The following MEIOB variants were observed in gnomAD, a reference collection of about 807,000 sequenced individuals.
The protein encoded by MEIOB is meiosis-specific with OB domain-containing protein.
MEIOB carries 50 observed loss-of-function variants against 53.1 expected under a neutral mutation model. The observed-to-expected ratio is 0.94, with a 90% CI of 0.75 to 1.19. The LOEUF is 1.19. Ranked by LOEUF, MEIOB falls within the 50% of genes most tolerant of loss-of-function variation. The pLI is 0.00. For synonymous variants in MEIOB, 192 were observed against 182.5 expected, an observed-to-expected ratio of 1.05 and a Z score of -0.42; for missense variants, 551 against 550.8, an observed-to-expected ratio of 1.00 and a Z score of 0.00.
chr16:1,870,956 AC>A (rs1160454980), intron 1 of MEIOB, among the ~76,000 whole-genome samples: 1 of 151,728 alleles, frequency 6.6e-6, no homozygotes, highest in South Asian at 2.1e-4. Context: ...AACTACCTAC[AC>A]ACCAAGGGAT....
At chr16:1,865,293 A>G (rs1331975052) in intron 3 of MEIOB, among the ~76,000 whole-genome samples, 2 of 152,146 alleles carry the variant, frequency 1.3e-5, no homozygotes, top group Non-Finnish European at 2.9e-5. Context: ...TTAGCTGGGC[A>G]TGATGGCATG....
rs760422538 is a variant in MEIOB at position 1,853,030 on chromosome 16, G to GT, written c.778+8dup. The GT allele has an allele frequency of 5.7e-6, 9 of 1,579,444 alleles. No individual in the cohort carries two copies. In the South Asian group the frequency reaches 8.9e-5, roughly 16 times the overall value. On this transcript the variant is annotated intron_variant, in intron 9 of 13. Coordinates refer to ENST00000325962, the MANE Select transcript of MEIOB (RefSeq NM_001163560.3). ...CCAAAGGGATAAAAGGTTTCACAAAGTTTTTTACCTGGATTAGTTGTAATA... is the reference window on the plus strand; with the variant it reads ...CCAAAGGGATAAAAGGTTTCACAAAGTTTTTTTACCTGGATTAGTTGTAATA...
chr16:1,835,210 G>A (rs113743262), intron 13 of MEIOB, among the ~76,000 whole-genome samples: 2,849 of 151,674 alleles, frequency 0.019, 67 homozygotes, highest in Middle Eastern at 0.048. Flanking sequence ...AGCTGTGATC[G>A]CACCACGTGC....
intron 5 of MEIOB, among the ~76,000 whole-genome samples, chr16:1,858,877 A>C (rs763391425): frequency 4.6e-5 from 7 of 152,182 alleles, no homozygotes; most frequent in Non-Finnish European, 1.0e-4. Context: ...TCTTCCCTCT[A>C]CCAAGAATAT....
intron 9 of MEIOB, among the ~76,000 whole-genome samples, chr16:1,852,617 G>A (rs539782768): frequency 3.3e-5 from 5 of 150,750 alleles, no homozygotes; most frequent in Admixed American, 6.7e-5. Context: ...GTACAATGGC[G>A]CGATTTCAGC....
At chr16:1,853,419 C>T (rs1264355366) in intron 7 of MEIOB, 148 bp from the exon 8 acceptor site, 6 of 628,768 alleles carry the variant, frequency 9.5e-6, no homozygotes, top group South Asian at 1.9e-5. Context: ...TTAAGCATGC[C>T]AGCTTCCTCC....
chr16:1,860,096 A>G (rs1017135635), intron 5 of MEIOB, among the ~76,000 whole-genome samples: 2 of 152,248 alleles, frequency 1.3e-5, no homozygotes, highest in Non-Finnish European at 2.9e-5. Context: ...ATACCTTGAC[A>G]TGAAAAAAGA....
At chr16:1,852,651 G>C (rs1325972788) in intron 9 of MEIOB, among the ~76,000 whole-genome samples, 3 of 151,758 alleles carry the variant, frequency 2.0e-5, no homozygotes, top group African/African-American at 7.3e-5. Context: ...TGCCTCCTGG[G>C]TTCAAGTGAT....
chr16:1,841,952 T>C lies in MEIOB; in HGVS notation c.902A>G (p.Tyr301Cys), dbSNP rs765901615. Residue 301 changes from tyrosine (Y) to cysteine (C), a missense_variant, in exon 11 of 14, where the codon TAC (tyrosine) becomes TGC (cysteine). Physicochemically the swap from Tyr to Cys is radical, Grantham distance 194 (BLOSUM62 -2). Coordinates refer to ENST00000325962, the MANE Select transcript of MEIOB (RefSeq NM_001163560.3). ...TTTTCCCTTTAATTGTTCAACTGTG[T>C]AGACATCAACTATTGTACTTACTAA... is the stretch of plus-strand genomic sequence containing the variant. Reference protein sequence around the residue: ...SINLSTIVDVYTVEQLKGKAL... With the variant: ...SINLSTIVDVCTVEQLKGKAL... 7 of 1,599,596 alleles carry C rather than the reference T, an allele frequency of 4.4e-6. No individual in the cohort carries two copies. In the South Asian group the frequency reaches 8.0e-5, roughly 18 times the overall value.
chr16:1,838,792 A>G (rs1898817668), intron 12 of MEIOB, among the ~76,000 whole-genome samples: 1 of 152,124 alleles, frequency 6.6e-6, no homozygotes, highest in Non-Finnish European at 1.5e-5. Context: ...CCTGGGCTCA[A>G]GTGATTCTCG....
In MEIOB at chr16:1,849,098, A is replaced by G. The variant is rs1276305727; in HGVS notation, c.778+3941T>C. Among the ~76,000 whole-genome samples, 3 of 148,566 alleles carry G rather than the reference A, an allele frequency of 2.0e-5. No homozygotes were observed. In the South Asian group the frequency reaches 6.5e-4, roughly 32 times the overall value. ...CCAGCAGTTTGAGACCAGCCTGAGA[A>G]ACACTGCAAAACCCCGTCTCTACGA... On this transcript the variant is annotated intron_variant, in intron 9 of 13. Coordinates refer to ENST00000325962, the MANE Select transcript of MEIOB (RefSeq NM_001163560.3).
At position 1,845,007 on chromosome 16, in the gene MEIOB, C is replaced by G. The variant is rs191995022; in HGVS notation, c.779-44G>C. On this transcript the variant is annotated intron_variant, in intron 9 of 13. Coordinates refer to ENST00000325962, the MANE Select transcript of MEIOB (RefSeq NM_001163560.3). The stretch of plus-strand genomic sequence containing the variant: ...AATAAGTAAAAAGCAAACTGATTAT[C>G]ATTTAAATCACATTTAAATCATCCA... The G allele has an allele frequency of 4.1e-4, 343 of 845,670 alleles. No individual in the cohort carries two copies. In the African/African-American group the frequency reaches 5.1e-3, roughly 13 times the overall value. The allele number at this position is 845,670 out of a possible 1,614,324, so 52.4% of individuals were successfully genotyped here.
In MEIOB at chr16:1,837,776, G is replaced by A. The variant is rs1259071934; in HGVS notation, c.1305+8C>T. 5.7e-6 allele frequency: 8 copies of A among 1,392,514 alleles called. No homozygotes were observed. Among genetic ancestry groups the A allele is most frequent in the Non-Finnish European group, 7.9e-6 (8 of 1,013,878 alleles). 86.3% of individuals were successfully genotyped at this position (1,392,514 alleles called of 1,614,324 possible). On this transcript the variant is annotated splice_region_variant and intron_variant, in intron 13 of 13. Transcript: ENST00000325962. ...ATAGAATAATATGGGACTATAAAAT[G>A]CACTAACTTTTAAATAAATTTTGCT...
At position 1,844,865 on chromosome 16, in the gene MEIOB, T is replaced by G; in HGVS notation, c.877A>C (p.Asn293His). The G allele has an allele frequency of 6.6e-7, 1 of 1,509,896 alleles. No individual in the cohort carries two copies. Among genetic ancestry groups the G allele is most frequent in the Non-Finnish European group, 9.1e-7 (1 of 1,095,164 alleles). 93.5% of individuals were successfully genotyped at this position (1,509,896 alleles called of 1,614,324 possible). ...EIDSYFKESI[N>H]LSTIVDVYTV... ...ATATATTTAAACGGTCACTTACAATTTATGGATTCTTTGAAATAACTGTCA... is the reference window on the plus strand; with the variant it reads ...ATATATTTAAACGGTCACTTACAATGTATGGATTCTTTGAAATAACTGTCA... Residue 293 changes from asparagine (N) to histidine (H), a missense_variant, in exon 10 of 14, where the codon AAT becomes CAT. Physicochemically the swap from Asn to His is moderately conservative, Grantham distance 68. Transcript: ENST00000325962.
chr16:1,859,312 C>A (rs948928823), intron 5 of MEIOB, among the ~76,000 whole-genome samples: 4 of 152,088 alleles, frequency 2.6e-5, no homozygotes, highest in Non-Finnish European at 4.4e-5. Context: ...GAGGCCGAGG[C>A]GGGCGGATCA....
At chr16:1,842,054 A>C (rs1457363929) in intron 10 of MEIOB, 81 bp from the exon 11 acceptor site, 8 of 967,858 alleles carry the variant, frequency 8.3e-6, no homozygotes, top group Non-Finnish European at 1.1e-5. Context: ...AAGCTATGAC[A>C]AATGAGAACA....
intron 9 of MEIOB, among the ~76,000 whole-genome samples, chr16:1,847,018 G>C (rs1282916180): frequency 6.6e-6 from 1 of 151,854 alleles, no homozygotes; most frequent in Non-Finnish European, 1.5e-5. Context: ...AGCCAGGCAT[G>C]GTGGCACACA....
At chr16:1,845,003 T>G in intron 9 of MEIOB, 40 bp from the exon 10 acceptor site, 1 of 897,400 alleles carries the variant, frequency 1.1e-6, no homozygotes, top group East Asian at 2.5e-5. Context: ...AGCAAACTGA[T>G]TATCATTTAA....
At chr16:1,851,977 G>A (rs1018172369) in intron 9 of MEIOB, among the ~76,000 whole-genome samples, 2 of 152,082 alleles carry the variant, frequency 1.3e-5, no homozygotes, top group Non-Finnish European at 2.9e-5. Flanking sequence ...CCCCAATCTG[G>A]CTTCCTTGAT....
Sources: allele counts gnomAD v4.1 joint callset (sites outside exome capture counted in the v4.1 genomes callset), GRCh38; gene constraint gnomAD v4.1.1; transcripts MANE v1.5; gene names NCBI Gene and HGNC (gene_info 2026-07-23, HGNC 2026-07-21).